MYBL2: variants seen among roughly 807,000 people sequenced by gnomAD.
MYBL2 encodes the protein myb-related protein B.
In MYBL2, 28 loss-of-function variants were observed where a neutral mutation model predicts 79.9. The observed-to-expected ratio is 0.35, with a 90% confidence interval of 0.26 to 0.48. The LOEUF is 0.48. MYBL2 is among the 20% of genes least tolerant of loss of function. The pLI is 0.99. For missense variants in MYBL2, 735 were observed against 893.9 expected (o/e 0.82, Z 2.27); for synonymous variants, 378 against 361.2 (o/e 1.05, Z -0.53).
chr20:43,709,805 C>G (rs1429993682), intron 9 of MYBL2, among the ~76,000 whole-genome samples, 158 bp from the exon 10 acceptor site: 1 of 152,196 alleles, frequency 6.6e-6, no homozygotes, highest in Non-Finnish European at 1.5e-5. Flanking sequence ...CTGTTTCCCC[C>G]GAGCCCCTGA....
Position 43,682,975 on chromosome 20 carries a change from G to A in MYBL2, c.279+89G>A, listed in dbSNP as rs183555254. ...TGAGATTGCCTTGTGTTGGGGTTGG[G>A]GGTGTCAAGCTGAGCATTGGGTGTG... On this transcript the variant is annotated intron_variant, in intron 4 of 13. Transcript: ENST00000217026. The A allele has an allele frequency of 8.5e-6, 11 of 1,296,646 alleles. No homozygotes were observed. The Admixed American group carries it at 1.5e-4, about 18-fold the overall frequency. The allele number at this position is 1,296,646 out of a possible 1,614,324, so 80.3% of individuals were successfully genotyped here.
rs369480454 is a variant in MYBL2, at chr20:43,706,817, G to A, written c.1505+1459G>A. Reference sequence around the variant, plus strand: ...TGCAACCTCCGCCTCCCGGGTTCAAGCAGTTCTCCTGCCTCAGCCTCCTGA... The same window carrying A: ...TGCAACCTCCGCCTCCCGGGTTCAAACAGTTCTCCTGCCTCAGCCTCCTGA... On this transcript the variant is annotated intron_variant, in intron 9 of 13. Transcript: ENST00000217026. Among the ~76,000 whole-genome samples the A allele has an allele frequency of 7.5e-5, 11 of 146,422 alleles. No individual in the cohort carries two copies. In the East Asian group the frequency reaches 2.0e-3, roughly 27 times the overall value.
At chr20:43,714,833 G>C (rs1987990865) in intron 12 of MYBL2, among the ~76,000 whole-genome samples, 2 of 152,214 alleles carry the variant, frequency 1.3e-5, no homozygotes, top group Non-Finnish European at 2.9e-5. Flanking sequence ...GTTTCACCCT[G>C]TTGACCAGGA....
chr20:43,673,964 A>C (rs1986933874), intron 2 of MYBL2, 65 bp downstream of exon 2: 1 of 1,381,364 alleles, frequency 7.2e-7, no homozygotes, highest in East Asian at 2.5e-5. Flanking sequence ...CTGAGCCTGG[A>C]GTGTATTTGA....
rs1388832734 is a variant in MYBL2, at chr20:43,702,919, T to C, written c.1365+16T>C. ...GCCCTCCCAGGTGCGTGGACCCCACTCTGGCTGCTTATTGGGTCGGTACAG... is the reference window on the plus strand; with the variant it reads ...GCCCTCCCAGGTGCGTGGACCCCACCCTGGCTGCTTATTGGGTCGGTACAG... On this transcript the variant is annotated intron_variant, in intron 8 of 13. Coordinates refer to ENST00000217026, the MANE Select transcript of MYBL2 (RefSeq NM_002466.4). 6.4e-7 allele frequency: 1 copy of C among 1,571,924 alleles called. No homozygotes were observed. The highest frequency in any genetic ancestry group is 2.3e-5 in the East Asian group (1 of 44,204).
In MYBL2 at chr20:43,682,594, C is replaced by A. The variant is rs539033640; in HGVS notation, c.187-200C>A. Among the ~76,000 whole-genome samples, 6 of 152,324 alleles carry A rather than the reference C, an allele frequency of 3.9e-5. No homozygotes were observed. The East Asian group carries it at 1.2e-3, about 29-fold the overall frequency. Reference sequence around the variant, plus strand: ...CTTCCCACAGGGGACCGAGTTTGCCCTCTCGTGTAGCAAAGGGAAACCGCC... The same window carrying A: ...CTTCCCACAGGGGACCGAGTTTGCCATCTCGTGTAGCAAAGGGAAACCGCC... On this transcript the variant is annotated intron_variant, in intron 3 of 13. Coordinates refer to ENST00000217026, the MANE Select transcript of MYBL2 (RefSeq NM_002466.4).
At chr20:43,701,624 C>T (rs1032895997) in intron 7 of MYBL2, among the ~76,000 whole-genome samples, 2 of 152,116 alleles carry the variant, frequency 1.3e-5, no homozygotes, top group Non-Finnish European at 2.9e-5. Context: ...AGTAATGCTT[C>T]CCTAGCAGAA....
Position 43,682,940 on chromosome 20 carries a change from C to G in MYBL2, c.279+54C>G. On this transcript the variant is annotated intron_variant, in intron 4 of 13. Coordinates refer to ENST00000217026, the MANE Select transcript of MYBL2 (RefSeq NM_002466.4). ...AGTGGGTCTTCACCCACCAGTGTAC[C>G]TGGGGACTGTGAGATTGCCTTGTGT... The G allele has an allele frequency of 2.0e-6, 3 of 1,527,448 alleles. No homozygotes were observed. In the South Asian group the frequency reaches 3.4e-5, roughly 17 times the overall value. 94.6% of individuals were successfully genotyped at this position (1,527,448 alleles called of 1,614,324 possible). A position where few individuals can be genotyped will look rare whatever the true frequency, so the allele number is the denominator to read the frequency against.
rs759018426 is a variant in MYBL2 at position 43,716,052 on chromosome 20, C to G, written c.2068C>G (p.Pro690Ala). 6.2e-6 allele frequency: 10 copies of G among 1,610,178 alleles called. No homozygotes were observed. In the African/African-American group the frequency reaches 9.3e-5, roughly 15 times the overall value. Residue 690 changes from proline to alanine, a missense_variant, in exon 14 of 14, where the codon CCC (proline) becomes GCC (alanine). Coordinates refer to ENST00000217026, the MANE Select transcript of MYBL2 (RefSeq NM_002466.4). ...KARQLLGRLKPSHTSRTLILS is the reference protein window; with the variant it reads ...KARQLLGRLKASHTSRTLILS Reference sequence around the variant, plus strand: ...CCGGCAGCTCCTGGGCCGCCTGAAGCCCAGCCACACATCTCGGACCCTCAT... The same window carrying G: ...CCGGCAGCTCCTGGGCCGCCTGAAGGCCAGCCACACATCTCGGACCCTCAT...
At chr20:43,676,266 C>T (rs547698263) in intron 2 of MYBL2, among the ~76,000 whole-genome samples, 106 of 149,826 alleles carry the variant, frequency 7.1e-4, no homozygotes, top group African/African-American at 2.5e-3. Context: ...CCTCCACCCT[C>T]CTCCCACCCT....
intron 4 of MYBL2, among the ~76,000 whole-genome samples, chr20:43,686,513 A>G (rs1017139337): frequency 6.6e-6 from 1 of 151,694 alleles, no homozygotes; most frequent in East Asian, 1.9e-4. Context: ...GCTCTTTTCT[A>G]CTTAGCTTAT....
chr20:43,688,265 G>C (rs1357221326), intron 5 of MYBL2, among the ~76,000 whole-genome samples: 1 of 151,410 alleles, frequency 6.6e-6, no homozygotes, highest in Non-Finnish European at 1.5e-5. Flanking sequence ...GCAGTGGCGT[G>C]ATCCGGGCTC....
rs1388076291 is a variant in MYBL2 at position 43,716,132 on chromosome 20, G to A, written c.*45G>A. 5.6e-6 allele frequency: 9 copies of A among 1,597,614 alleles called. No homozygotes were observed. The highest frequency in any genetic ancestry group is 7.6e-6 in the Non-Finnish European group (9 of 1,178,640). On this transcript the variant is annotated 3_prime_UTR_variant, in exon 14 of 14. Coordinates refer to ENST00000217026, the MANE Select transcript of MYBL2 (RefSeq NM_002466.4). ...GCCCATTCTCATGTTTACAGGGGTT[G>A]TGGGGGCAGAGGGGGTCTGTGAATC...
At chr20:43,679,487 G>T (rs1987095296) in intron 2 of MYBL2, among the ~76,000 whole-genome samples, 1 of 152,118 alleles carries the variant, frequency 6.6e-6, no homozygotes, top group Admixed American at 6.5e-5. Flanking sequence ...TTGGAAACGA[G>T]GCTGAGTGTG....
At chr20:43,690,863 C>A (rs1034531141) in intron 5 of MYBL2, among the ~76,000 whole-genome samples, 2 of 152,166 alleles carry the variant, frequency 1.3e-5, no homozygotes, top group East Asian at 3.8e-4. Flanking sequence ...GGATTACAGG[C>A]GTGAGCCACC....
rs1801616 is a variant in MYBL2 at position 43,716,373 on chromosome 20, G to C, written c.*286G>C. ...TCAGCTTCTCCCAAGCCCACGTCAG[G>C]CCTGGCCTCATCTCAGACCCTGCTT... On this transcript the variant is annotated 3_prime_UTR_variant, in exon 14 of 14. Transcript: ENST00000217026. The C allele has an allele frequency of 8.2e-5, 38 of 462,302 alleles. No homozygotes were observed. The highest frequency in any genetic ancestry group is 1.4e-4 in the Non-Finnish European group (36 of 261,074). The allele number at this position is 462,302 out of a possible 1,614,324, so 28.6% of individuals were successfully genotyped here.
chr20:43,716,061 A>G lies in MYBL2; in HGVS notation c.2077A>G (p.Thr693Ala). 6.2e-7 allele frequency: 1 copy of G among 1,609,412 alleles called. No individual in the cohort carries two copies. Among genetic ancestry groups the G allele is most frequent in the Non-Finnish European group, 8.5e-7 (1 of 1,179,806 alleles). ...QLLGRLKPSH[T>A]SRTLILS ...CCTGGGCCGCCTGAAGCCCAGCCAC[A>G]CATCTCGGACCCTCATCTTGTCCTG... Residue 693 changes from threonine to alanine, a missense_variant, in exon 14 of 14, where the codon ACA becomes GCA. Thr to Ala is a moderately conservative substitution (Grantham distance 58). This residue lies in a region of MYBL2 where 204 missense variants were observed against 202.9 expected (regional missense o/e 1.01). Coordinates refer to ENST00000217026, the MANE Select transcript of MYBL2 (RefSeq NM_002466.4).
At chr20:43,706,107 G>A (rs181019731) in intron 9 of MYBL2, among the ~76,000 whole-genome samples, 8 of 152,278 alleles carry the variant, frequency 5.3e-5, no homozygotes, top group African/African-American at 1.4e-4. Flanking sequence ...GATTACAGGC[G>A]TGAGCTACTG....
chr20:43,669,229 T>C (rs1986802784), intron 1 of MYBL2, among the ~76,000 whole-genome samples: 2 of 152,190 alleles, frequency 1.3e-5, no homozygotes. Flanking sequence ...CTCGAACTCC[T>C]GGCTTCCAGG....
Sources: gnomAD v4.1 joint callset for allele counts (sites outside exome capture counted in the v4.1 genomes callset) on GRCh38, gnomAD v4.1.1 for gene constraint, gnomAD v4.1.1 regional missense constraint, MANE v1.5 for transcripts, NCBI Gene and HGNC (gene_info 2026-07-23, HGNC 2026-07-21) for gene names.